CHCHD3: variants seen among roughly 807,000 people sequenced by gnomAD.
The protein encoded by CHCHD3 is coiled-coil-helix-coiled-coil-helix domain containing 3.
CHCHD3 carries 20 observed loss-of-function variants against 38.2 expected under a neutral mutation model. The ratio of observed to expected loss-of-function variants is 0.52; its 90% CI spans 0.37 to 0.76. The LOEUF is 0.76. Ranked by LOEUF, CHCHD3 falls within the 30% of genes least tolerant of loss-of-function variation. The probability of loss-of-function intolerance (pLI) is 0.00; values close to 1 mark genes in which losing one functional copy is unlikely to be tolerated. For synonymous variants in CHCHD3, 82 were observed against 100.0 expected, an observed-to-expected ratio of 0.82 and a Z score of 1.07; for missense variants, 245 against 279.2, an observed-to-expected ratio of 0.88 and a Z score of 0.87.
At chr7:132,848,394 T>C (rs569123528) in intron 5 of CHCHD3, among the ~76,000 whole-genome samples, 200 of 152,338 alleles carry the variant, frequency 1.3e-3, no homozygotes, top group Non-Finnish European at 2.0e-3. Flanking sequence ...AGTTAAGCGC[T>C]TGGGGACCCA....
intron 4 of CHCHD3, among the ~76,000 whole-genome samples, chr7:132,899,455 A>G (rs1342806060): frequency 2.0e-5 from 3 of 152,220 alleles, no homozygotes; most frequent in African/African-American, 4.8e-5. Flanking sequence ...GCTAAAGGGC[A>G]CGCTCCTATG....
rs954654431 is a variant in CHCHD3, at chr7:132,981,205, A to ATGGTCTTGAACTGGGCTCAAG, written c.252-5940_252-5920dup. 2.0e-5 allele frequency among the ~76,000 whole-genome samples: 3 copies of ATGGTCTTGAACTGGGCTCAAG among 151,682 alleles called. No individual in the cohort carries two copies. In the South Asian group the frequency reaches 6.3e-4, roughly 32 times the overall value. ...GACGAGGTTTCAGCATGTTGTCCAC[A>ATGGTCTTGAACTGGGCTCAAG]TGGTCTTGAACTGGGCTCAAGTGGT... On this transcript the variant is annotated intron_variant, in intron 3 of 7. Transcript: ENST00000262570.
chr7:132,848,009 G>T (rs967525792), intron 5 of CHCHD3, among the ~76,000 whole-genome samples: 6 of 152,294 alleles, frequency 3.9e-5, no homozygotes, highest in South Asian at 2.1e-4. Flanking sequence ...TTCAAGGATG[G>T]TGGCAACTCC....
At chr7:132,893,230 G>A (rs1161100541) in intron 4 of CHCHD3, among the ~76,000 whole-genome samples, 1 of 152,208 alleles carries the variant, frequency 6.6e-6, no homozygotes, top group African/African-American at 2.4e-5. Flanking sequence ...AACTAGACAT[G>A]AGACATGGAG....
At chr7:132,865,120 G>A (rs952110524) in intron 5 of CHCHD3, among the ~76,000 whole-genome samples, 6 of 152,160 alleles carry the variant, frequency 3.9e-5, no homozygotes, top group Non-Finnish European at 8.8e-5. Flanking sequence ...TTGTGTACCT[G>A]GGGGTCTAAA....
intron 4 of CHCHD3, among the ~76,000 whole-genome samples, chr7:132,946,269 T>C (rs568533288): frequency 2.4e-4 from 36 of 151,858 alleles, no homozygotes; most frequent in Non-Finnish European, 4.1e-4. Context: ...AAGAGAACAG[T>C]GAAAAATTCA....
intron 4 of CHCHD3, among the ~76,000 whole-genome samples, chr7:132,943,461 C>A (rs1396415000): frequency 1.3e-5 from 2 of 152,032 alleles, no homozygotes; most frequent in Non-Finnish European, 2.9e-5. Flanking sequence ...GCCAAGACAA[C>A]TCTAAAGAGA....
At chr7:132,829,818 C>A (rs941042772) in intron 6 of CHCHD3, among the ~76,000 whole-genome samples, 1 of 152,104 alleles carries the variant, frequency 6.6e-6, no homozygotes, top group Non-Finnish European at 1.5e-5. Flanking sequence ...TTTGCATTGT[C>A]TTTTTAGAGA....
chr7:132,915,955 ATTT>A (rs10708335), intron 4 of CHCHD3, among the ~76,000 whole-genome samples: 1 of 145,002 alleles, frequency 6.9e-6, no homozygotes, highest in African/African-American at 2.5e-5. Context: ...TAATAAAAAA[ATTT>A]TTTTTTTTTT....
intron 1 of CHCHD3, among the ~76,000 whole-genome samples, chr7:133,078,467 T>C (rs564404205): frequency 1.3e-5 from 2 of 151,894 alleles, no homozygotes; most frequent in South Asian, 4.2e-4. Flanking sequence ...AGCCCAGGAG[T>C]TGAGACCAGC....
intron 6 of CHCHD3, among the ~76,000 whole-genome samples, chr7:132,797,876 A>G (rs915306946): frequency 6.6e-6 from 1 of 152,212 alleles, no homozygotes. Context: ...GAAAAAAAGC[A>G]CAATATTACT....
chr7:132,871,912 CA>C (rs1380108961), intron 5 of CHCHD3, among the ~76,000 whole-genome samples: 1 of 151,784 alleles, frequency 6.6e-6, no homozygotes. Context: ...GTCAATTATA[CA>C]AAACAAACAA....
chr7:132,907,819 C>A (rs1809834746), intron 4 of CHCHD3, among the ~76,000 whole-genome samples: 1 of 151,976 alleles, frequency 6.6e-6, no homozygotes, highest in Non-Finnish European at 1.5e-5. Flanking sequence ...TATAACAGGA[C>A]CTGCATGTGC....
At chr7:133,016,864 A>G (rs1364910467) in intron 3 of CHCHD3, among the ~76,000 whole-genome samples, 1 of 152,222 alleles carries the variant, frequency 6.6e-6, no homozygotes, top group Non-Finnish European at 1.5e-5. Flanking sequence ...AGCCAGGGCT[A>G]GGTCCAGCCT....
chr7:132,997,532 T>C (rs1037319227), intron 3 of CHCHD3, among the ~76,000 whole-genome samples: 1 of 152,168 alleles, frequency 6.6e-6, no homozygotes, highest in Admixed American at 6.5e-5. Flanking sequence ...AATTTTTTGT[T>C]ACCACACCAG....
At position 132,813,054 on chromosome 7, in the gene CHCHD3, T is replaced by G. The variant is rs116945521; in HGVS notation, c.525-16477A>C. 3.7e-3 allele frequency among the ~76,000 whole-genome samples: 564 copies of G among 152,356 alleles called. 1 individual carries two copies. The highest frequency in any genetic ancestry group is 6.5e-3 in the Non-Finnish European group (440 of 68,026). On this transcript the variant is annotated intron_variant, in intron 6 of 7. Coordinates refer to ENST00000262570, the MANE Select transcript of CHCHD3 (RefSeq NM_017812.4). ...AATTGCCATTGTCAAGTTATTTGGA[T>G]GATCAGTTATTTCTCCCATTAGACC...
chr7:132,976,076 C>T (rs1811760226), intron 3 of CHCHD3, among the ~76,000 whole-genome samples: 1 of 152,302 alleles, frequency 6.6e-6, no homozygotes, highest in Admixed American at 6.5e-5. Flanking sequence ...ATGGACAGGT[C>T]ACTGTCATTG....
chr7:132,988,971 A>AT (rs1365954820), intron 3 of CHCHD3, among the ~76,000 whole-genome samples: 1 of 152,170 alleles, frequency 6.6e-6, no homozygotes, highest in Non-Finnish European at 1.5e-5. Flanking sequence ...AAAAATACAA[A>AT]TTTTTAATAT....
chr7:132,786,733 T>C (rs1440580892), intron 7 of CHCHD3, among the ~76,000 whole-genome samples: 1 of 152,162 alleles, frequency 6.6e-6, no homozygotes, highest in Non-Finnish European at 1.5e-5. Flanking sequence ...GTTTAGTGCA[T>C]TGGGGAAACT....
Sources: allele counts gnomAD v4.1 joint callset (sites outside exome capture counted in the v4.1 genomes callset), GRCh38; gene constraint gnomAD v4.1.1; transcripts MANE v1.5; gene names NCBI Gene and HGNC (gene_info 2026-07-23, HGNC 2026-07-21).